Variants in FARP2 observed in about 807,000 individuals in gnomAD.
FARP2 encodes FERM, ARHGEF and pleckstrin domain-containing protein 2.
In FARP2, 111 loss-of-function variants were observed where a neutral mutation model predicts 130.5. The ratio of observed to expected loss-of-function variants is 0.85; its 90% CI spans 0.73 to 1.00. The LOEUF is 1.00. FARP2 is among the 50% of genes least tolerant of loss of function. The probability of loss-of-function intolerance (pLI) is 0.00; values close to 1 mark genes in which losing one functional copy is unlikely to be tolerated. For synonymous variants in FARP2, 504 were observed against 516.9 expected, an observed-to-expected ratio of 0.98 and a Z score of 0.34; for missense variants, 1,385 against 1,346.3, an observed-to-expected ratio of 1.03 and a Z score of -0.45.
intron 17 of FARP2, 88 bp from the exon 18 acceptor site, chr2:241,468,052 C>T (rs55764424): frequency 0.14 from 132,643 of 916,408 alleles, 9,983 homozygotes; most frequent in Non-Finnish European, 0.16. Context: ...GATTTCCAGC[C>T]GGCACCTGCC....
At chr2:241,369,913 C>T (rs893296126) in intron 1 of FARP2, among the ~76,000 whole-genome samples, 1 of 152,126 alleles carries the variant, frequency 6.6e-6, no homozygotes, top group African/African-American at 2.4e-5. Context: ...TCTTCATTTG[C>T]ATTCTCTTAC....
chr2:241,361,747 G>A (rs1007989280), intron 1 of FARP2, among the ~76,000 whole-genome samples: 4 of 152,086 alleles, frequency 2.6e-5, no homozygotes, highest in Non-Finnish European at 5.9e-5. Context: ...AACCCAGTAG[G>A]GGAATGTGAG....
At chr2:241,363,097 C>A (rs1245614756) in intron 1 of FARP2, among the ~76,000 whole-genome samples, 1 of 152,202 alleles carries the variant, frequency 6.6e-6, no homozygotes, top group African/African-American at 2.4e-5. Flanking sequence ...CACTTTGCAC[C>A]AGTAGTGAGT....
At chr2:241,472,496 G>T (rs1350258381) in intron 18 of FARP2, among the ~76,000 whole-genome samples, 5 of 145,738 alleles carry the variant, frequency 3.4e-5, no homozygotes, top group Admixed American at 1.4e-4. Flanking sequence ...GTTCTGTGGG[G>T]ATTCTGATCT....
chr2:241,412,189 A>G (rs1413915739), intron 6 of FARP2, among the ~76,000 whole-genome samples: 1 of 152,190 alleles, frequency 6.6e-6, no homozygotes, highest in South Asian at 2.1e-4. Context: ...CGGCAGCGAG[A>G]GAGGCTTGTA....
chr2:241,431,153 G>T (rs1226806454), intron 8 of FARP2, among the ~76,000 whole-genome samples: 1 of 152,146 alleles, frequency 6.6e-6, no homozygotes, highest in Non-Finnish European at 1.5e-5. Flanking sequence ...CATGCACTGT[G>T]TCTGATGATA....
rs372143399 is a variant in FARP2, at chr2:241,411,114, G to A, written c.492G>A (p.Thr164=). 19 of 1,610,248 alleles carry A rather than the reference G, an allele frequency of 1.2e-5. No homozygotes were observed. Among genetic ancestry groups the A allele is most frequent in the Middle Eastern group, 3.3e-4 (2 of 6,038 alleles). ...CTGACACCACAGCGGCCCTTCTCACGTCCCATCTCCTGCAGTGTGAGTATC... is the reference window on the plus strand; with the variant it reads ...CTGACACCACAGCGGCCCTTCTCACATCCCATCTCCTGCAGTGTGAGTATC... ...TCADTTAALL[T]SHLLQSEIGD... The change falls in exon 6 of 27, where the codon ACG becomes ACA. Residue 164 remains threonine (T), a synonymous_variant. Transcript: ENST00000264042.
At chr2:241,391,466 C>A (rs907400080) in intron 2 of FARP2, among the ~76,000 whole-genome samples, 3 of 152,160 alleles carry the variant, frequency 2.0e-5, no homozygotes, top group Non-Finnish European at 2.9e-5. Flanking sequence ...TGTTCTACAT[C>A]ACCTGCTTTT....
intron 15 of FARP2, 23 bp downstream of exon 15, chr2:241,462,635 T>C (rs373638095): frequency 3.4e-6 from 5 of 1,457,304 alleles, no homozygotes; most frequent in Non-Finnish European, 4.8e-6. Flanking sequence ...TTGATTACTT[T>C]GATTTTTTTT....
Position 241,436,537 on chromosome 2 carries a change from A to G in FARP2, c.1157A>G (p.Gln386Arg), listed in dbSNP as rs751846420. 5.2e-5 allele frequency: 84 copies of G among 1,614,008 alleles called. No homozygotes were observed. The highest frequency in any genetic ancestry group is 6.8e-5 in the Non-Finnish European group (80 of 1,179,832). ...VRALTADLPK[Q>R]SISFPEGLRT... Reference sequence around the variant, plus strand: ...GCTCTGACTGCAGACCTACCAAAACAGGTTAGTCTCTTCCGGTTCAACATG... The same window carrying G: ...GCTCTGACTGCAGACCTACCAAAACGGGTTAGTCTCTTCCGGTTCAACATG... Residue 386 changes from glutamine (Q) to arginine (R), a missense_variant and splice_region_variant, in exon 12 of 27, where the codon CAG becomes CGG. By Grantham distance (43) the Gln-to-Arg change is conservative (BLOSUM62 1). Transcript: ENST00000264042.
chr2:241,405,035 C>G (rs756641256), intron 4 of FARP2, among the ~76,000 whole-genome samples, 194 bp downstream of exon 4: 27 of 152,190 alleles, frequency 1.8e-4, no homozygotes, highest in Admixed American at 3.3e-4. Flanking sequence ...TTCTAGGTGA[C>G]TTGCTTCACA....
In FARP2 at chr2:241,435,002, A is replaced by G; in HGVS notation, c.1072A>G (p.Ser358Gly). The G allele has an allele frequency of 1.3e-6, 2 of 1,596,122 alleles. No homozygotes were observed. Among genetic ancestry groups the G allele is most frequent in the South Asian group, 1.1e-5 (1 of 89,138 alleles). ...QKQLVDYFKD[S>G]GMKRIPYERR... ...ACAACTAGTAGATTATTTCAAAGAC[A>G]GTGGAATGAAGAGAATTCCATATGA... The change falls in exon 11 of 27, where the codon AGT becomes GGT. Residue 358 changes from serine (S) to glycine (G), a missense_variant. Transcript: ENST00000264042.
At position 241,370,846 on chromosome 2, in the gene FARP2, A is replaced by C. The variant is rs555535804; in HGVS notation, c.-24-2238A>C. ...TAAATACTTAGCAAATGTTTACAGT[A>C]AGAATTTAGTTCCTTCCCTCAAGGA... On this transcript the variant is annotated intron_variant, in intron 1 of 26. Coordinates refer to ENST00000264042, the MANE Select transcript of FARP2 (RefSeq NM_014808.4). Among the ~76,000 whole-genome samples, 94 of 152,328 alleles carry C rather than the reference A, an allele frequency of 6.2e-4. 1 individual carries two copies. Among genetic ancestry groups the C allele is most frequent in the African/African-American group, 2.2e-3 (90 of 41,576 alleles).
chr2:241,409,876 G>T (rs2062470677), intron 5 of FARP2, among the ~76,000 whole-genome samples: 1 of 152,030 alleles, frequency 6.6e-6, no homozygotes, highest in Non-Finnish European at 1.5e-5. Context: ...TTATAATGCT[G>T]CAGAGAAACA....
At chr2:241,360,658 A>T (rs962027342) in intron 1 of FARP2, among the ~76,000 whole-genome samples, 4 of 146,824 alleles carry the variant, frequency 2.7e-5, no homozygotes, top group African/African-American at 5.0e-5. Context: ...TGGGTGACAG[A>T]GCGAGACTCT....
chr2:241,481,056 C>CAAAAAAAAAA (rs34996407), intron 19 of FARP2, among the ~76,000 whole-genome samples: 1 of 105,182 alleles, frequency 9.5e-6, no homozygotes, highest in African/African-American at 3.6e-5. Flanking sequence ...TTGTCTCTAC[C>CAAAAAAAAAA]AAAAAAAAAA....
intron 12 of FARP2, among the ~76,000 whole-genome samples, chr2:241,440,311 G>C (rs943046367): frequency 2.0e-5 from 3 of 152,214 alleles, no homozygotes; most frequent in Non-Finnish European, 4.4e-5. Flanking sequence ...TCCCCAAAGC[G>C]TGACTGCATC....
intron 1 of FARP2, among the ~76,000 whole-genome samples, chr2:241,371,552 C>T (rs2061424947): frequency 6.6e-6 from 1 of 152,050 alleles, no homozygotes; most frequent in Admixed American, 6.6e-5. Context: ...GAGGAAAGGG[C>T]CAGGAGACTC....
intron 13 of FARP2, among the ~76,000 whole-genome samples, chr2:241,456,159 A>G (rs1425220664): frequency 2.0e-5 from 3 of 152,196 alleles, no homozygotes; most frequent in Admixed American, 2.0e-4. Context: ...GAAGGGGAAA[A>G]TTATTACTGT....
Sources: gnomAD v4.1 joint callset for allele counts (sites outside exome capture counted in the v4.1 genomes callset) on GRCh38, gnomAD v4.1.1 for gene constraint, MANE v1.5 for transcripts, NCBI Gene and HGNC (gene_info 2026-07-23, HGNC 2026-07-21) for gene names.